ANO10: variants seen among roughly 807,000 people sequenced by gnomAD.
ANO10 encodes the protein anoctamin 10.
In ANO10, 77 loss-of-function variants were observed where a neutral mutation model predicts 74.7. That is an observed-to-expected ratio of 1.03 (90% confidence interval 0.86 to 1.25). The LOEUF (loss-of-function observed/expected upper bound fraction) is 1.25, where lower values mean the gene tolerates loss of function less well. Among genes scored for constraint, ANO10 ranks in the 50% most tolerant of loss-of-function variants. The pLI is 0.00. For synonymous variants in ANO10, 279 were observed against 284.9 expected (o/e 0.98, Z 0.21); for missense variants, 721 against 778.1 (o/e 0.93, Z 0.87).
chr3:43,669,239 G>T (rs964105366), intron 1 of ANO10, among the ~76,000 whole-genome samples: 1 of 152,242 alleles, frequency 6.6e-6, no homozygotes, highest in African/African-American at 2.4e-5. Flanking sequence ...CTGAGGAAAG[G>T]CCTTATTAAA....
At chr3:43,608,652 G>A (rs141297328) in intron 1 of ANO10, among the ~76,000 whole-genome samples, 7 of 152,194 alleles carry the variant, frequency 4.6e-5, no homozygotes, top group African/African-American at 1.7e-4. Flanking sequence ...TGTGATCGTG[G>A]CTCACTGCAG....
At chr3:43,387,974 A>C (rs2092171636) in intron 12 of ANO10, among the ~76,000 whole-genome samples, 1 of 152,114 alleles carries the variant, frequency 6.6e-6, no homozygotes, top group African/African-American at 2.4e-5. Context: ...TGACAATCCT[A>C]AATTGGATAT....
Position 43,648,096 on chromosome 3 carries a change from T to C in ANO10, c.-11-42233A>G, listed in dbSNP as rs1050909980. Among the ~76,000 whole-genome samples the C allele has an allele frequency of 6.6e-5, 10 of 152,316 alleles. No individual in the cohort carries two copies. In the South Asian group the frequency reaches 8.3e-4, roughly 13 times the overall value. On this transcript the variant is annotated intron_variant, in intron 1 of 3. Coordinates refer to the ANO10 transcript ENST00000413397. The stretch of plus-strand genomic sequence containing the variant: ...GGAGACCTTCTCTTACCTATCCAAG[T>C]TTCCAGAATCTCACCCTCCTCTGGG...
chr3:43,447,173 A>C (rs1356964895), intron 11 of ANO10, among the ~76,000 whole-genome samples: 1 of 152,176 alleles, frequency 6.6e-6, no homozygotes, highest in Non-Finnish European at 1.5e-5. Context: ...AATTTCCTCC[A>C]ACATTTGTCA....
At chr3:43,670,354 AAAAT>A (rs1280995618) in intron 1 of ANO10, among the ~76,000 whole-genome samples, 1 of 150,056 alleles carries the variant, frequency 6.7e-6, no homozygotes, top group African/African-American at 2.5e-5. Flanking sequence ...ATAAATAAAT[AAAAT>A]AATAAATCTG....
chr3:43,474,533 G>A (rs771424928), intron 11 of ANO10, among the ~76,000 whole-genome samples: 17 of 151,950 alleles, frequency 1.1e-4, no homozygotes, highest in Non-Finnish European at 1.8e-4. Flanking sequence ...ATTAACTTTG[G>A]TTGTCCATAA....
intron 1 of ANO10, among the ~76,000 whole-genome samples, chr3:43,616,473 CAAT>C (rs2083112561): frequency 6.6e-6 from 1 of 152,168 alleles, no homozygotes; most frequent in African/African-American, 2.4e-5. Flanking sequence ...TGCTGCAGCT[CAAT>C]AATAACCTCA....
intron 1 of ANO10, among the ~76,000 whole-genome samples, chr3:43,686,992 A>G (rs865962190): frequency 3.3e-5 from 5 of 151,496 alleles, no homozygotes; most frequent in Non-Finnish European, 5.9e-5. Context: ...AAGAAGCCCT[A>G]AAGTCATGTG....
chr3:43,467,354 T>C (rs2075671955), intron 11 of ANO10, among the ~76,000 whole-genome samples: 1 of 152,194 alleles, frequency 6.6e-6, no homozygotes, highest in African/African-American at 2.4e-5. Flanking sequence ...AAATGTTCAT[T>C]AATGGGTGAA....
chr3:43,370,126 A>G (rs2091554969), intron 12 of ANO10, among the ~76,000 whole-genome samples: 2 of 152,182 alleles, frequency 1.3e-5, no homozygotes, highest in Admixed American at 1.3e-4. Flanking sequence ...GCTGAGCCCT[A>G]ACCACAGCCC....
chr3:43,504,084 C>T (rs2077196234), intron 11 of ANO10, among the ~76,000 whole-genome samples: 1 of 152,070 alleles, frequency 6.6e-6, no homozygotes, highest in South Asian at 2.1e-4. Context: ...GCCTAGCCAA[C>T]ATGGTGAAAC....
chr3:43,402,575 G>A (rs367645829), intron 12 of ANO10, among the ~76,000 whole-genome samples: 2 of 152,166 alleles, frequency 1.3e-5, no homozygotes, highest in East Asian at 3.9e-4. Context: ...CCTGTGTGCT[G>A]TAGAAATTCT....
intron 2 of ANO10, among the ~76,000 whole-genome samples, chr3:43,602,329 T>A (rs529744333): frequency 1.3e-5 from 2 of 152,272 alleles, no homozygotes; most frequent in South Asian, 4.1e-4. Context: ...TAACCTTTTT[T>A]TATTAATTAA....
chr3:43,563,716 TG>T (rs1210634011), intron 8 of ANO10, among the ~76,000 whole-genome samples: 1 of 152,080 alleles, frequency 6.6e-6, no homozygotes, highest in African/African-American at 2.4e-5. Context: ...CGGATGGAAC[TG>T]GAGGTCATTA....
chr3:43,546,519 T>A (rs1443572605), intron 11 of ANO10, among the ~76,000 whole-genome samples: 2 of 152,104 alleles, frequency 1.3e-5, no homozygotes, highest in Non-Finnish European at 2.9e-5. Context: ...AGACCACGCA[T>A]TAGAGAAAAG....
intron 11 of ANO10, among the ~76,000 whole-genome samples, chr3:43,543,014 T>C (rs1254489363): frequency 1.3e-5 from 2 of 152,172 alleles, no homozygotes; most frequent in Non-Finnish European, 2.9e-5. Context: ...TGCACTGGCC[T>C]CACTCTGAAG....
chr3:43,409,071 T>C (rs1171958237), intron 12 of ANO10, among the ~76,000 whole-genome samples: 1 of 152,012 alleles, frequency 6.6e-6, no homozygotes, highest in African/African-American at 2.4e-5. Context: ...TGACTAGTCA[T>C]GACATCTGTG....
rs149298412 is a variant in ANO10, at chr3:43,579,744, A to G, written c.592+609T>C. On this transcript the variant is annotated intron_variant, in intron 5 of 12. Transcript: ENST00000292246. Reference sequence around the variant, plus strand: ...CAAAACAAAAACTAAAACAAAAACAAAAAAACTTGTTTGGTTCCAACTCTG... The same window carrying G: ...CAAAACAAAAACTAAAACAAAAACAGAAAAACTTGTTTGGTTCCAACTCTG... 9.7e-3 allele frequency among the ~76,000 whole-genome samples: 1,482 copies of G among 152,230 alleles called. 12 individuals carry two copies. The highest frequency in any genetic ancestry group is 0.013 in the Non-Finnish European group (902 of 68,014).
intron 12 of ANO10, among the ~76,000 whole-genome samples, chr3:43,401,395 T>A (rs1282110088): frequency 1.3e-5 from 2 of 150,386 alleles, no homozygotes; most frequent in Admixed American, 1.3e-4. Flanking sequence ...ATACATTAAA[T>A]TTTTTAAAAG....
Sources: gnomAD v4.1 joint callset for allele counts (sites outside exome capture counted in the v4.1 genomes callset) on GRCh38, gnomAD v4.1.1 for gene constraint, MANE v1.5 for transcripts, NCBI Gene and HGNC (gene_info 2026-07-23, HGNC 2026-07-21) for gene names.